Variants in PTCD3 observed in about 807,000 individuals in gnomAD.
PTCD3 encodes the protein pentatricopeptide repeat domain 3.
Under a neutral mutation model 101.9 loss-of-function variants are expected in PTCD3, and 89 were observed. The observed-to-expected ratio is 0.87, with a 90% CI of 0.74 to 1.04. The LOEUF is 1.04. PTCD3 is among the 50% of genes least tolerant of loss of function. PTCD3 has a pLI of 0.00. For missense variants in PTCD3, 870 were observed against 828.2 expected (o/e 1.05, Z -0.62); for synonymous variants, 296 against 278.5 (o/e 1.06, Z -0.63).
rs779489360 is a variant in PTCD3, at chr2:86,137,959, G to T, written c.*400G>T. 11 of 204,282 alleles carry T rather than the reference G, an allele frequency of 5.4e-5. No individual in the cohort carries two copies. Among genetic ancestry groups the T allele is most frequent in the Non-Finnish European group, 1.1e-4 (11 of 97,570 alleles). The allele number at this position is 204,282 out of a possible 1,614,324, so 12.7% of individuals were successfully genotyped here. A position where few individuals can be genotyped will look rare whatever the true frequency, so the allele number is the denominator to read the frequency against. Reference sequence around the variant, plus strand: ...GGCCTGATGTGCTGCTGTGATGCTGGTCCTTCATCTTAGGTGTTCATGCAG... The same window carrying T: ...GGCCTGATGTGCTGCTGTGATGCTGTTCCTTCATCTTAGGTGTTCATGCAG... On this transcript the variant is annotated 3_prime_UTR_variant, in exon 24 of 24. Coordinates refer to ENST00000254630, the MANE Select transcript of PTCD3 (RefSeq NM_017952.6).
In PTCD3 at chr2:86,134,423, C is replaced by G. The variant is rs774072431; in HGVS notation, c.1629+46C>G. The G allele has an allele frequency of 6.8e-7, 1 of 1,466,918 alleles. No homozygotes were observed. The highest frequency in any genetic ancestry group is 1.2e-5 in the South Asian group (1 of 85,878). The allele number at this position is 1,466,918 out of a possible 1,614,324, so 90.9% of individuals were successfully genotyped here. A position where few individuals can be genotyped will look rare whatever the true frequency, so the allele number is the denominator to read the frequency against. On this transcript the variant is annotated intron_variant, in intron 20 of 23. Coordinates refer to ENST00000254630, the MANE Select transcript of PTCD3 (RefSeq NM_017952.6). ...CCAGTATATCCTCCCATACTGAGGT[C>G]TTCTTAAGGCTAGCTTCCCTGGTTT...
At position 86,106,264 on chromosome 2, in the gene PTCD3, C is replaced by A; in HGVS notation, c.17C>A (p.Ala6Asp). Residue 6 changes from alanine to aspartate, a missense_variant, in exon 1 of 24, where the codon GCT becomes GAT. By Grantham distance (126) the Ala-to-Asp change is moderately radical (BLOSUM62 -2). Transcript: ENST00000254630. MAVVS[A>D]VRWLGLRSRL... ...AAATCAAAGATGGCGGTTGTATCTG[C>A]TGTTCGCTGGCTGGGCCTCCGCAGC... 6.2e-7 allele frequency: 1 copy of A among 1,614,130 alleles called. No individual in the cohort carries two copies. Among genetic ancestry groups the A allele is most frequent in the Non-Finnish European group, 8.5e-7 (1 of 1,180,004 alleles).
intron 3 of PTCD3, 128 bp downstream of exon 3, chr2:86,108,664 C>T (rs547696215): frequency 3.8e-5 from 34 of 902,366 alleles, no homozygotes; most frequent in African/African-American, 1.9e-4. Flanking sequence ...AGTAGCTGAG[C>T]GGGGAGAAGC....
intron 3 of PTCD3, among the ~76,000 whole-genome samples, chr2:86,109,323 C>T (rs149120727): frequency 0.03 from 4,602 of 151,044 alleles, 85 homozygotes; most frequent in Non-Finnish European, 0.042. Context: ...AGGAGAATGG[C>T]GTGAACCCGG....
At chr2:86,125,986 T>G in intron 12 of PTCD3, 106 bp downstream of exon 12, 1 of 730,710 alleles carries the variant, frequency 1.4e-6, no homozygotes, top group Non-Finnish European at 2.2e-6. Context: ...TACCAGCACT[T>G]TGGGAGGCCG....
intron 8 of PTCD3, among the ~76,000 whole-genome samples, chr2:86,122,453 C>G (rs951151748): frequency 6.6e-6 from 1 of 152,124 alleles, no homozygotes; most frequent in African/African-American, 2.4e-5. Flanking sequence ...ACTCTGTCAC[C>G]TAGGGTGGAG....
At chr2:86,107,474 A>G (rs1015437597) in intron 1 of PTCD3, among the ~76,000 whole-genome samples, 1 of 152,202 alleles carries the variant, frequency 6.6e-6, no homozygotes, top group African/African-American at 2.4e-5. Context: ...CAATTTTCTG[A>G]ATGTTACTGA....
intron 1 of PTCD3, among the ~76,000 whole-genome samples, chr2:86,108,128 A>T (rs1239548727): frequency 7.0e-6 from 1 of 143,400 alleles, no homozygotes. Context: ...CCTGTCTCTA[A>T]AAAAAAAAAA....
At chr2:86,108,769 T>C in intron 3 of PTCD3, 1 of 430,494 alleles carries the variant, frequency 2.3e-6, no homozygotes. Flanking sequence ...AGATTTTGAA[T>C]TAGTGTGGGT....
At chr2:86,129,022 T>G (rs146070539) in intron 14 of PTCD3, among the ~76,000 whole-genome samples, 2 of 152,306 alleles carry the variant, frequency 1.3e-5, no homozygotes, top group African/African-American at 4.8e-5. Context: ...GGGAAGTTGT[T>G]TCTCTCTGGT....
chr2:86,137,196 CCATT>C, intron 23 of PTCD3, 56 bp downstream of exon 23: 1 of 1,493,890 alleles, frequency 6.7e-7, no homozygotes, highest in Middle Eastern at 1.8e-4. Context: ...ATCCATCTGC[CCATT>C]CAAAATGTTC....
chr2:86,135,046 T>G (rs1274979580), intron 21 of PTCD3, 59 bp downstream of exon 21: 1 of 1,516,412 alleles, frequency 6.6e-7, no homozygotes, highest in Non-Finnish European at 9.0e-7. Context: ...TCTAAAACAT[T>G]GGCCCACGCT....
At position 86,138,548 on chromosome 2, in the gene PTCD3, C is replaced by T. The variant is rs1233238565; in HGVS notation, c.*989C>T. The T allele has an allele frequency of 1.3e-5, 2 of 152,146 alleles. No homozygotes were observed. The highest frequency in any genetic ancestry group is 6.6e-5 in the Admixed American group (1 of 15,256). The allele number at this position is 152,146 out of a possible 1,614,324, so 9.4% of individuals were successfully genotyped here. The stretch of plus-strand genomic sequence containing the variant: ...GACAATTATGGGATACTCTAGTCTA[C>T]TTATACTTGTGTTCCCATCTGTCTG... On this transcript the variant is annotated 3_prime_UTR_variant, in exon 24 of 24. Coordinates refer to ENST00000254630, the MANE Select transcript of PTCD3 (RefSeq NM_017952.6).
chr2:86,136,910 A>G (rs1251851534), intron 22 of PTCD3, 72 bp from the exon 23 acceptor site: 1 of 1,553,068 alleles, frequency 6.4e-7, no homozygotes, highest in Admixed American at 1.8e-5. Context: ...TACTGAACTT[A>G]CACTGGATCT....
intron 21 of PTCD3, chr2:86,135,283 A>C (rs1285275350): frequency 4.0e-6 from 1 of 248,122 alleles, no homozygotes; most frequent in Non-Finnish European, 7.6e-6. Flanking sequence ...AGATCAAAGA[A>C]ATATATGATC....
chr2:86,123,243 G>A (rs899838670), intron 8 of PTCD3, among the ~76,000 whole-genome samples: 3 of 146,006 alleles, frequency 2.1e-5, no homozygotes, highest in African/African-American at 7.6e-5. Flanking sequence ...ACCTGGGCGA[G>A]AGAGCGAGAC....
At chr2:86,108,866 C>A in intron 3 of PTCD3, 1 of 241,196 alleles carries the variant, frequency 4.1e-6, no homozygotes. Context: ...TCATATGATT[C>A]AAGAGCAGAC....
chr2:86,137,004 A>C lies in PTCD3; in HGVS notation c.1843A>C (p.Met615Leu), dbSNP rs1674596631. ...IPRSELLNELMDSAKVSNSPS... is the reference protein window; with the variant it reads ...IPRSELLNELLDSAKVSNSPS... ...CAGAAGTGAGTTGCTGAATGAGCTT[A>C]TGGACAGTGCAAAAGTGTCTAACAG... is the stretch of plus-strand genomic sequence containing the variant. Residue 615 changes from methionine (M) to leucine (L), a missense_variant, in exon 23 of 24, where the codon ATG becomes CTG. Coordinates refer to ENST00000254630, the MANE Select transcript of PTCD3 (RefSeq NM_017952.6). 2 of 1,613,628 alleles carry C rather than the reference A, an allele frequency of 1.2e-6. No homozygotes were observed. Among genetic ancestry groups the C allele is most frequent in the African/African-American group, 2.7e-5 (2 of 74,934 alleles).
At position 86,116,565 on chromosome 2, in the gene PTCD3, T is replaced by G; in HGVS notation, c.276T>G (p.Asp92Glu). The change falls in exon 5 of 24, where the codon GAT becomes GAG. Residue 92 changes from aspartate (D) to glutamate (E), a missense_variant. By Grantham distance (45) the Asp-to-Glu change is conservative. Transcript: ENST00000254630. ...TTAVPYVFQD[D>E]PYLMPASSLE... The stretch of plus-strand genomic sequence containing the variant: ...CTGTGCCTTATGTGTTTCAAGATGA[T>G]CCTTACCTTATGCCAGCATCATCTT... 6.2e-7 allele frequency: 1 copy of G among 1,610,884 alleles called. No homozygotes were observed. The highest frequency in any genetic ancestry group is 8.5e-7 in the Non-Finnish European group (1 of 1,177,040).
Sources: gnomAD v4.1 joint callset for allele counts (sites outside exome capture counted in the v4.1 genomes callset) on GRCh38, gnomAD v4.1.1 for gene constraint, MANE v1.5 for transcripts, NCBI Gene and HGNC (gene_info 2026-07-23, HGNC 2026-07-21) for gene names.